The following EDNRA variants were observed in gnomAD, a reference collection of about 807,000 sequenced individuals.
EDNRA encodes the protein endothelin receptor type A.
EDNRA carries 11 observed loss-of-function variants against 41.4 expected under a neutral mutation model. That is an observed-to-expected ratio of 0.27 (90% CI 0.17 to 0.44). The LOEUF (loss-of-function observed/expected upper bound fraction) is 0.44, where lower values mean the gene tolerates loss of function less well. EDNRA is among the 20% of genes least tolerant of loss of function. EDNRA has a pLI of 1.00. For synonymous variants in EDNRA, 172 were observed against 183.0 expected, an observed-to-expected ratio of 0.94 and a Z score of 0.49; for missense variants, 294 against 531.0, an observed-to-expected ratio of 0.55 and a Z score of 4.39.
intron 2 of EDNRA, among the ~76,000 whole-genome samples, chr4:147,511,816 G>C (rs1450316152): frequency 6.6e-6 from 1 of 152,032 alleles, no homozygotes; most frequent in East Asian, 1.9e-4. Context: ...TTTTCCATTA[G>C]GTTTTGGGAC....
chr4:147,497,393 T>C (rs1044498614), intron 2 of EDNRA, among the ~76,000 whole-genome samples: 1 of 152,140 alleles, frequency 6.6e-6, no homozygotes, highest in Non-Finnish European at 1.5e-5. Flanking sequence ...AAATCTGTTA[T>C]CTGCCTTCAT....
chr4:147,505,531 G>T (rs1729675477), intron 2 of EDNRA, among the ~76,000 whole-genome samples: 1 of 150,888 alleles, frequency 6.6e-6, no homozygotes, highest in Non-Finnish European at 1.5e-5. Context: ...TAGTAGAGAC[G>T]GGGTTTCACC....
intron 2 of EDNRA, among the ~76,000 whole-genome samples, chr4:147,514,067 A>G (rs1199256186): frequency 2.6e-5 from 4 of 152,250 alleles, no homozygotes; most frequent in African/African-American, 9.6e-5. Context: ...AATTCAAAAT[A>G]ACGTTTGTGT....
At chr4:147,523,069 G>A (rs990457082) in intron 3 of EDNRA, among the ~76,000 whole-genome samples, 2 of 152,214 alleles carry the variant, frequency 1.3e-5, no homozygotes, top group Non-Finnish European at 2.9e-5. Context: ...TTTGTCTAAA[G>A]ATTTGAAGTC....
chr4:147,533,558 G>A (rs1294207448), intron 4 of EDNRA, among the ~76,000 whole-genome samples: 2 of 152,124 alleles, frequency 1.3e-5, no homozygotes, highest in Non-Finnish European at 2.9e-5. Flanking sequence ...CACAGAATTC[G>A]TGGTTTTACA....
At position 147,519,409 on chromosome 4, in the gene EDNRA, G is replaced by A. The variant is rs10305898; in HGVS notation, c.421-442G>A. ...TAAGCACAGATAAAAAACCACTGTCGGCTTCTCAGTTGAGCTGTCTCCCAA... is the reference window on the plus strand; with the variant it reads ...TAAGCACAGATAAAAAACCACTGTCAGCTTCTCAGTTGAGCTGTCTCCCAA... On this transcript the variant is annotated intron_variant, in intron 2 of 7. Transcript: ENST00000651419. The surrounding 1 kb of genome is among the most constrained non-coding windows in gnomAD (Gnocchi z 4.1). Among the ~76,000 whole-genome samples, 2,049 of 152,012 alleles carry A rather than the reference G, an allele frequency of 0.013. 63 individuals carry two copies. Among genetic ancestry groups the A allele is most frequent in the African/African-American group, 0.047 (1,945 of 41,478 alleles).
In EDNRA at chr4:147,486,174, CTT is replaced by C; in HGVS notation, c.420+76_420+77del. The C allele has an allele frequency of 6.8e-7, 1 of 1,478,334 alleles. No homozygotes were observed. The highest frequency in any genetic ancestry group is 9.1e-7 in the Non-Finnish European group (1 of 1,104,216). 91.6% of individuals were successfully genotyped at this position (1,478,334 alleles called of 1,614,324 possible). On this transcript the variant is annotated intron_variant, in intron 2 of 7. Coordinates refer to ENST00000651419, the MANE Select transcript of EDNRA (RefSeq NM_001957.4). This position sits in a 1 kb window ranked among gnomAD's most constrained non-coding sequence, Gnocchi z 4.3. ...ATTCCACGTGGAGAGTTGCTGCAGA[CTT>C]TTCTGACCTTTGGAATTTTATCTGT...
intron 5 of EDNRA, among the ~76,000 whole-genome samples, chr4:147,538,825 C>T (rs551714833): frequency 4.6e-5 from 7 of 152,202 alleles, no homozygotes; most frequent in African/African-American, 1.2e-4. Flanking sequence ...GTAGGCTTCC[C>T]GGACTTAATG....
chr4:147,510,088 T>G (rs985857920), intron 2 of EDNRA, among the ~76,000 whole-genome samples: 4 of 152,170 alleles, frequency 2.6e-5, no homozygotes, highest in African/African-American at 9.7e-5. Flanking sequence ...GTTGATCAGA[T>G]TTGACTTTAC....
intron 1 of EDNRA, among the ~76,000 whole-genome samples, chr4:147,482,866 A>C (rs1373970914): frequency 6.6e-6 from 1 of 152,242 alleles, no homozygotes; most frequent in African/African-American, 2.4e-5. Flanking sequence ...TACCCACCGT[A>C]GCCAGGTCAG....
At chr4:147,535,494 A>T (rs1339354146) in intron 4 of EDNRA, among the ~76,000 whole-genome samples, 5 of 152,230 alleles carry the variant, frequency 3.3e-5, no homozygotes, top group Non-Finnish European at 7.3e-5. Context: ...TTTGAGGTTC[A>T]TCCAGAAATA....
In EDNRA at chr4:147,485,816, C is replaced by T. The variant is rs201698234; in HGVS notation, c.135C>T (p.Leu45=). The change falls in exon 2 of 8, where the codon CTC becomes CTT. Residue 45 remains leucine, a synonymous_variant. Coordinates refer to ENST00000651419, the MANE Select transcript of EDNRA (RefSeq NM_001957.4). The stretch of plus-strand genomic sequence containing the variant: ...TCACCACTTTTCGTGGCACAGAGCT[C>T]AGCTTCCTGGTTACCACTCATCAAC... ...DDFTTFRGTE[L]SFLVTTHQPT... 3 of 1,614,256 alleles carry T rather than the reference C, an allele frequency of 1.9e-6. No individual in the cohort carries two copies. Among genetic ancestry groups the T allele is most frequent in the South Asian group, 1.1e-5 (1 of 91,084 alleles).
intron 2 of EDNRA, among the ~76,000 whole-genome samples, chr4:147,515,069 A>G (rs745325990): frequency 1.1e-4 from 17 of 152,216 alleles, no homozygotes; most frequent in Non-Finnish European, 2.2e-4. Flanking sequence ...CTGCTGCTCC[A>G]CAGCAACTAT....
chr4:147,523,477 G>T lies in EDNRA; in HGVS notation c.548+3499G>T, dbSNP rs1241333089. Reference sequence around the variant, plus strand: ...TGGGTGTTTGTTTTTTTTTGTTGTTGTTGTTTTTTTGTTTTTTTTGTTTTT... The same window carrying T: ...TGGGTGTTTGTTTTTTTTTGTTGTTTTTGTTTTTTTGTTTTTTTTGTTTTT... On this transcript the variant is annotated intron_variant, in intron 3 of 7. Coordinates refer to ENST00000651419, the MANE Select transcript of EDNRA (RefSeq NM_001957.4). Among the ~76,000 whole-genome samples the T allele has an allele frequency of 3.6e-3, 369 of 102,696 alleles. 13 individuals carry two copies. Among genetic ancestry groups the T allele is most frequent in the African/African-American group, 0.015 (219 of 15,050 alleles). 67.4% of individuals were successfully genotyped at this position (102,696 alleles called of 152,430 possible). A position where few individuals can be genotyped will look rare whatever the true frequency, so the allele number is the denominator to read the frequency against.
intron 3 of EDNRA, among the ~76,000 whole-genome samples, chr4:147,527,261 G>GA (rs533767437): frequency 6.6e-6 from 1 of 151,618 alleles, no homozygotes; most frequent in Non-Finnish European, 1.5e-5. Flanking sequence ...TTCAGAAAGA[G>GA]AAAAAAAATT....
Position 147,506,616 on chromosome 4 carries a change from T to G in EDNRA, c.421-13235T>G, listed in dbSNP as rs550032078. ...CTTTAGAAATATCAATATTATCATC[T>G]TAAGGACTTGGTGGACATCACAAAA... is the stretch of plus-strand genomic sequence containing the variant. On this transcript the variant is annotated intron_variant, in intron 2 of 7. Coordinates refer to ENST00000651419, the MANE Select transcript of EDNRA (RefSeq NM_001957.4). 4 of 304,512 alleles carry G rather than the reference T, an allele frequency of 1.3e-5. No homozygotes were observed. In the East Asian group the frequency reaches 3.7e-4, roughly 28 times the overall value. The allele number at this position is 304,512 out of a possible 1,614,324, so 18.9% of individuals were successfully genotyped here.
chr4:147,514,107 A>G (rs1045417483), intron 2 of EDNRA, among the ~76,000 whole-genome samples: 1 of 152,202 alleles, frequency 6.6e-6, no homozygotes, highest in Non-Finnish European at 1.5e-5. Context: ...GAATTCTTTC[A>G]TATGCATTAA....
intron 2 of EDNRA, among the ~76,000 whole-genome samples, chr4:147,514,617 G>A (rs1490473114): frequency 2.0e-5 from 3 of 151,924 alleles, no homozygotes; most frequent in Admixed American, 2.0e-4. Flanking sequence ...GGGATTATAG[G>A]CGCGTGCCAC....
chr4:147,532,438 C>G lies in EDNRA; in HGVS notation c.549-68C>G, dbSNP rs539622673. The G allele has an allele frequency of 4.2e-6, 6 of 1,417,968 alleles. No individual in the cohort carries two copies. In the African/African-American group the frequency reaches 8.6e-5, roughly 20 times the overall value. The allele number at this position is 1,417,968 out of a possible 1,614,324, so 87.8% of individuals were successfully genotyped here. On this transcript the variant is annotated intron_variant, in intron 3 of 7. Transcript: ENST00000651419. ...ATGAGGAGGAACTTCCCAGCACTTA[C>G]AATTTTTGTTTAATTGAAATACATT...
Sources: gnomAD v4.1 joint callset for allele counts (sites outside exome capture counted in the v4.1 genomes callset) on GRCh38, gnomAD v4.1.1 for gene constraint, Gnocchi (gnomAD v3.1) non-coding constraint, MANE v1.5 for transcripts, NCBI Gene and HGNC (gene_info 2026-07-23, HGNC 2026-07-21) for gene names.